The following PICALM variants were observed in gnomAD, a reference collection of about 807,000 sequenced individuals.
PICALM encodes phosphatidylinositol binding clathrin assembly protein.
A neutral mutation model predicts 80.5 loss-of-function variants in PICALM; 40 were observed. That is an observed-to-expected ratio of 0.50 (90% CI 0.39 to 0.65). The LOEUF is 0.65. Among genes scored for constraint, PICALM ranks in the 30% least tolerant of loss-of-function variants. The pLI, the probability that PICALM is intolerant of heterozygous loss-of-function variation, is 0.00. For synonymous variants in PICALM, 288 were observed against 260.3 expected, an observed-to-expected ratio of 1.11 and a Z score of -1.02; for missense variants, 676 against 778.9, an observed-to-expected ratio of 0.87 and a Z score of 1.57.
upstream of PICALM, chr11:86,069,373 C>A (rs1466521638): frequency 2.0e-5 from 3 of 152,852 alleles, no homozygotes; most frequent in African/African-American, 7.2e-5. Flanking sequence ...AGACGCCGGG[C>A]GGGGCGGGGC....
At chr11:86,005,245 T>G (rs2095251766) in intron 8 of PICALM, among the ~76,000 whole-genome samples, 1 of 152,218 alleles carries the variant, frequency 6.6e-6, no homozygotes, top group Non-Finnish European at 1.5e-5. Flanking sequence ...GGACTGAAAC[T>G]GTGGTCATAG....
At chr11:85,975,762 A>C (rs1462226466) in intron 18 of PICALM, among the ~76,000 whole-genome samples, 1 of 151,814 alleles carries the variant, frequency 6.6e-6, no homozygotes, top group Non-Finnish European at 1.5e-5. Flanking sequence ...ATACCCAGCT[A>C]ATTTTTGTAT....
At chr11:85,963,470 G>A (rs1266685978) in intron 19 of PICALM, among the ~76,000 whole-genome samples, 2 of 152,128 alleles carry the variant, frequency 1.3e-5, no homozygotes, top group Non-Finnish European at 2.9e-5. Flanking sequence ...CTATCAGTTC[G>A]TTCAAATCAA....
At chr11:85,961,862 T>C (rs1036181323) in intron 19 of PICALM, among the ~76,000 whole-genome samples, 2 of 148,924 alleles carry the variant, frequency 1.3e-5, no homozygotes, top group African/African-American at 4.9e-5. Context: ...TACCTATTTA[T>C]TTATTTATTT....
chr11:86,007,120 C>T (rs1417128936), intron 8 of PICALM, among the ~76,000 whole-genome samples: 1 of 152,110 alleles, frequency 6.6e-6, no homozygotes, highest in Non-Finnish European at 1.5e-5. Context: ...TGGTTTATCC[C>T]TAAATTAATA....
chr11:86,057,147 C>A (rs938169069), intron 1 of PICALM, among the ~76,000 whole-genome samples: 1 of 151,888 alleles, frequency 6.6e-6, no homozygotes, highest in South Asian at 2.1e-4. Flanking sequence ...TACTTTAAAA[C>A]TGAATTTTAT....
intron 3 of PICALM, chr11:86,023,486 T>A (rs996965977): frequency 1.0e-6 from 1 of 984,980 alleles, no homozygotes; most frequent in African/African-American, 1.7e-5. Flanking sequence ...TTCTATCTAC[T>A]ATACCCCATC....
chr11:86,050,397 T>C (rs779176818), intron 1 of PICALM, among the ~76,000 whole-genome samples: 5 of 152,126 alleles, frequency 3.3e-5, no homozygotes, highest in African/African-American at 4.8e-5. Context: ...CAAAAGTTTA[T>C]AAGCCAAAAA....
chr11:85,980,026 C>T (rs1387853287), intron 17 of PICALM, among the ~76,000 whole-genome samples: 1 of 152,160 alleles, frequency 6.6e-6, no homozygotes, highest in Non-Finnish European at 1.5e-5. Context: ...TTAGAAAATA[C>T]AGTTAATCCT....
rs552894698 is a variant in PICALM, at chr11:85,999,369, A to G, written c.1154+1274T>C. Among the ~76,000 whole-genome samples the G allele has an allele frequency of 7.2e-5, 11 of 152,350 alleles. No homozygotes were observed. The South Asian group carries it at 2.3e-3, about 32-fold the overall frequency. ...TATTAAAAAGGTGAAAATTTTTAGT[A>G]TGTGACATAAAACATAGTGAAATTA... On this transcript the variant is annotated intron_variant, in intron 11 of 19. Transcript: ENST00000393346.
At chr11:86,017,281 A>C (rs1041565205) in intron 4 of PICALM, among the ~76,000 whole-genome samples, 6 of 152,098 alleles carry the variant, frequency 3.9e-5, no homozygotes, top group Admixed American at 2.6e-4. Flanking sequence ...GTAGATTCCA[A>C]ATGAATCCAA....
At chr11:85,993,420 T>C (rs1339099219) in intron 12 of PICALM, among the ~76,000 whole-genome samples, 2 of 152,092 alleles carry the variant, frequency 1.3e-5, no homozygotes, top group African/African-American at 2.4e-5. Context: ...CCCTTTTTTT[T>C]TCATTATTCA....
At chr11:85,992,184 A>T (rs1218021185) in intron 12 of PICALM, among the ~76,000 whole-genome samples, 1 of 151,802 alleles carries the variant, frequency 6.6e-6, no homozygotes, top group Non-Finnish European at 1.5e-5. Context: ...ATTTTAGCTA[A>T]TATATATACT....
chr11:86,068,925 C>A lies in PICALM; in HGVS notation c.-145G>T. On this transcript the variant is annotated 5_prime_UTR_variant, in exon 1 of 20. Transcript: ENST00000393346. ...GCCGGCCTGGGGCGCGGTTCGGGGC[C>A]GCGCGCTGCCACCAGTCCAGAGAGA... 9.0e-7 allele frequency: 1 copy of A among 1,109,316 alleles called. No individual in the cohort carries two copies. The highest frequency in any genetic ancestry group is 2.6e-5 in the East Asian group (1 of 37,760). The allele number at this position is 1,109,316 out of a possible 1,614,324, so 68.7% of individuals were successfully genotyped here. A position where few individuals can be genotyped will look rare whatever the true frequency, so the allele number is the denominator to read the frequency against.
chr11:86,060,145 C>A, intron 1 of PICALM, among the ~76,000 whole-genome samples: 1 of 152,120 alleles, frequency 6.6e-6, no homozygotes, highest in African/African-American at 2.4e-5. Context: ...TTCAAAGGAT[C>A]CCTTAGATCT....
chr11:86,062,722 C>T (rs2096387496), intron 1 of PICALM, among the ~76,000 whole-genome samples: 1 of 152,150 alleles, frequency 6.6e-6, no homozygotes, highest in East Asian at 1.9e-4. Context: ...GGCTTAGGTT[C>T]ATCAAGATTC....
At chr11:86,020,557 C>A (rs2095548155) in intron 4 of PICALM, among the ~76,000 whole-genome samples, 1 of 151,954 alleles carries the variant, frequency 6.6e-6, no homozygotes, top group African/African-American at 2.4e-5. Context: ...CAGAACAGAA[C>A]TGCAAGTCCA....
rs1184853489 is a variant in PICALM at position 86,055,040 on chromosome 11, T to C, written c.130+13611A>G. ...TTGGCAAAAATCTACCTTTAAAAAA[T>C]TGCTTGCTGGCTGGGGGTGGTGGCT... On this transcript the variant is annotated intron_variant, in intron 1 of 19. Transcript: ENST00000393346. 2.0e-5 allele frequency among the ~76,000 whole-genome samples: 3 copies of C among 152,168 alleles called. No individual in the cohort carries two copies. In the South Asian group the frequency reaches 6.2e-4, roughly 32 times the overall value.
chr11:86,021,751 T>C (rs527690059), intron 4 of PICALM, among the ~76,000 whole-genome samples: 1 of 152,348 alleles, frequency 6.6e-6, no homozygotes, highest in African/African-American at 2.4e-5. Context: ...CCATTATTCC[T>C]AATAGGCAAA....
Sources: gnomAD v4.1 joint callset for allele counts (sites outside exome capture counted in the v4.1 genomes callset) on GRCh38, gnomAD v4.1.1 for gene constraint, MANE v1.5 for transcripts, NCBI Gene and HGNC (gene_info 2026-07-23, HGNC 2026-07-21) for gene names.